Variants in UBE2D3 observed in about 807,000 individuals in gnomAD.
The protein encoded by UBE2D3 is ubiquitin conjugating enzyme E2 D3, also known as ubiquitin-conjugating enzyme E2 D3.
UBE2D3 carries 2 observed loss-of-function variants against 22.8 expected under a neutral mutation model. The observed-to-expected ratio is 0.09, with a 90% CI of 0.04 to 0.28. The LOEUF (loss-of-function observed/expected upper bound fraction) is 0.28, where lower values mean the gene tolerates loss of function less well. Among genes scored for constraint, UBE2D3 ranks in the 10% least tolerant of loss-of-function variants. UBE2D3 has a pLI of 1.00. For synonymous variants in UBE2D3, 56 were observed against 60.4 expected (o/e 0.93, Z 0.34); for missense variants, 27 against 182.5 (o/e 0.15, Z 4.91).
At chr4:102,802,487 T>A in intron 5 of UBE2D3, 74 bp downstream of exon 5, 1 of 1,271,246 alleles carries the variant, frequency 7.9e-7, no homozygotes, top group Non-Finnish European at 1.1e-6. Context: ...CAGAACCCTA[T>A]CTTCCAAGAA....
intron 1 of UBE2D3, among the ~76,000 whole-genome samples, chr4:102,851,680 T>G (rs956598451): frequency 6.6e-6 from 1 of 151,706 alleles, no homozygotes; most frequent in Non-Finnish European, 1.5e-5. Context: ...TTGTTTTTTT[T>G]TTTTGAGACG....
chr4:102,859,320 C>G (rs898215751), intron 1 of UBE2D3, among the ~76,000 whole-genome samples: 2 of 151,994 alleles, frequency 1.3e-5, no homozygotes, highest in African/African-American at 2.4e-5. Context: ...TTGCTTTCCT[C>G]TGCTGCTTTC....
intron 1 of UBE2D3, 60 bp from the exon 2 acceptor site, chr4:102,826,696 C>T (rs1280315465): frequency 1.0e-5 from 15 of 1,472,766 alleles, no homozygotes; most frequent in Non-Finnish European, 1.2e-5. Context: ...CCTGATGAAT[C>T]CAGGTCCCTT....
chr4:102,808,495 T>A (rs1426438753), intron 4 of UBE2D3, among the ~76,000 whole-genome samples: 1 of 152,226 alleles, frequency 6.6e-6, no homozygotes, highest in African/African-American at 2.4e-5. Context: ...TTAAACTTAA[T>A]ATTTGCACCC....
chr4:102,831,814 C>G (rs532230216), upstream of UBE2D3, among the ~76,000 whole-genome samples: 2 of 152,096 alleles, frequency 1.3e-5, no homozygotes, highest in Non-Finnish European at 2.9e-5. Context: ...GACTTTCATT[C>G]GGTTTGTCAA....
In UBE2D3 at chr4:102,797,145, G is replaced by A. The variant is rs1725349399; in HGVS notation, c.*270C>T. ...AAGACATTGGCCACATAATACACAT[G>A]CTCCATTTTTTTTTTTAAAAATTCT... On this transcript the variant is annotated 3_prime_UTR_variant, in exon 8 of 8. Transcript: ENST00000453744. 6 of 338,242 alleles carry A rather than the reference G, an allele frequency of 1.8e-5. No individual in the cohort carries two copies. In the South Asian group the frequency reaches 3.5e-4, roughly 20 times the overall value. 21.0% of individuals were successfully genotyped at this position (338,242 alleles called of 1,614,324 possible). A position where few individuals can be genotyped will look rare whatever the true frequency, so the allele number is the denominator to read the frequency against.
At chr4:102,847,914 G>A (rs1732122545) in intron 1 of UBE2D3, among the ~76,000 whole-genome samples, 1 of 152,148 alleles carries the variant, frequency 6.6e-6, no homozygotes, top group Non-Finnish European at 1.5e-5. Context: ...CCAAATAGGG[G>A]ACTACAGGTA....
intron 1 of UBE2D3, among the ~76,000 whole-genome samples, chr4:102,864,272 C>A (rs1008655831): frequency 9.9e-5 from 9 of 90,816 alleles, no homozygotes; most frequent in African/African-American, 3.9e-4. Context: ...TAATTCCTTG[C>A]AGTAAGTAGA....
chr4:102,799,627 GAC>G (rs1320543425), intron 6 of UBE2D3, 127 bp from the exon 7 acceptor site: 25 of 632,760 alleles, frequency 4.0e-5, no homozygotes, highest in Admixed American at 1.2e-4. Context: ...ATCTCAATGA[GAC>G]ACAGTTTTAC....
chr4:102,828,946 T>A (rs1483241066), upstream of UBE2D3, among the ~76,000 whole-genome samples: 3 of 152,226 alleles, frequency 2.0e-5, no homozygotes, highest in Non-Finnish European at 4.4e-5. Flanking sequence ...GAAGTGGAGA[T>A]CTTCAATTAC....
intron 1 of UBE2D3, among the ~76,000 whole-genome samples, chr4:102,860,099 G>A (rs952484291): frequency 1.1e-4 from 16 of 152,112 alleles, no homozygotes; most frequent in Middle Eastern, 3.4e-3. Flanking sequence ...CACACGCCTC[G>A]GCCTCCCAAA....
exon 1 of UBE2D3, chr4:102,868,824 G>A (rs1189575958): frequency 3.8e-6 from 6 of 1,599,970 alleles, no homozygotes; most frequent in South Asian, 1.1e-5. Flanking sequence ...CCCAAGAGGA[G>A]GGCCACCTTC....
Position 102,827,437 on chromosome 4 carries a change from GGGCCTCCCTCAAGCTGCGGCCTC to G in UBE2D3, c.-162_-140del, listed in dbSNP as rs1730754205. 2 of 986,076 alleles carry G rather than the reference GGGCCTCCCTCAAGCTGCGGCCTC, an allele frequency of 2.0e-6. No homozygotes were observed. The highest frequency in any genetic ancestry group is 1.1e-4 in the East Asian group (1 of 8,818). The allele number at this position is 986,076 out of a possible 1,614,324, so 61.1% of individuals were successfully genotyped here. On this transcript the variant is annotated 5_prime_UTR_variant, in exon 1 of 8. Transcript: ENST00000453744. ...CACACCCACGCGTACAGAGGGGCCG[GGGCCTCCCTCAAGCTGCGGCCTC>G]GGCCTCCTCCCCGCGCGGCAGCTGG...
intron 1 of UBE2D3, chr4:102,868,649 A>G: frequency 6.2e-7 from 1 of 1,612,308 alleles, no homozygotes; most frequent in Non-Finnish European, 8.5e-7. Flanking sequence ...CTAGGGCCAC[A>G]GCACCCAAAC....
At chr4:102,811,773 C>G in intron 2 of UBE2D3, 1 of 448,032 alleles carries the variant, frequency 2.2e-6, no homozygotes, top group Non-Finnish European at 4.5e-6. Flanking sequence ...AAAGATACAA[C>G]AGAGAAGCAG....
chr4:102,815,088 T>C (rs1728607926), intron 2 of UBE2D3, among the ~76,000 whole-genome samples: 1 of 152,062 alleles, frequency 6.6e-6, no homozygotes, highest in South Asian at 2.1e-4. Flanking sequence ...TTGTCGCCCA[T>C]GGTGGAGTAC....
intron 2 of UBE2D3, among the ~76,000 whole-genome samples, chr4:102,816,781 G>A (rs1268855203): frequency 6.6e-6 from 1 of 152,128 alleles, no homozygotes; most frequent in Non-Finnish European, 1.5e-5. Context: ...AAAATGTAAT[G>A]TTAATTTCAC....
At chr4:102,826,864 G>C (rs1011405955) in intron 1 of UBE2D3, 2 of 1,111,132 alleles carry the variant, frequency 1.8e-6, no homozygotes, top group Non-Finnish European at 2.2e-6. Flanking sequence ...AAGAGACCCG[G>C]GTGGGAGAGG....
chr4:102,802,118 A>C (rs1226050560), intron 5 of UBE2D3: 1 of 154,926 alleles, frequency 6.5e-6, no homozygotes, highest in East Asian at 1.9e-4. Flanking sequence ...AGTGAAGGAT[A>C]ATATGCTTTT....
Sources: allele counts gnomAD v4.1 joint callset (sites outside exome capture counted in the v4.1 genomes callset), GRCh38; gene constraint gnomAD v4.1.1; transcripts MANE v1.5; gene names NCBI Gene and HGNC (gene_info 2026-07-23, HGNC 2026-07-21).